The following PDE7B variants were observed in gnomAD, a reference collection of about 807,000 sequenced individuals.
PDE7B encodes phosphodiesterase 7B.
Under a neutral mutation model 56.2 loss-of-function variants are expected in PDE7B, and 29 were observed. The ratio of observed to expected loss-of-function variants is 0.52; its 90% CI spans 0.38 to 0.70. PDE7B has a LOEUF of 0.70. PDE7B is among the 30% of genes least tolerant of loss of function. The probability of loss-of-function intolerance (pLI) is 0.00; values close to 1 mark genes in which losing one functional copy is unlikely to be tolerated. For synonymous variants in PDE7B, 197 were observed against 196.9 expected, an observed-to-expected ratio of 1.00 and a Z score of 0.00; for missense variants, 490 against 565.0, an observed-to-expected ratio of 0.87 and a Z score of 1.35.
At chr6:136,064,792 C>T (rs903463080) in intron 2 of PDE7B, among the ~76,000 whole-genome samples, 2 of 152,180 alleles carry the variant, frequency 1.3e-5, no homozygotes, top group African/African-American at 2.4e-5. Flanking sequence ...GGAAGTTAGG[C>T]ACCTACCCTT....
intron 12 of PDE7B, 38 bp downstream of exon 12, chr6:136,187,154 T>C: frequency 1.0e-6 from 1 of 975,650 alleles, no homozygotes; most frequent in Non-Finnish European, 1.6e-6. Flanking sequence ...ATAAATACCT[T>C]TGGCACATCT....
Position 135,851,948 on chromosome 6 carries a change from G to T in PDE7B, c.-51G>T, listed in dbSNP as rs199914481. 1.4e-6 allele frequency: 2 copies of T among 1,459,198 alleles called. No homozygotes were observed. The allele number at this position is 1,459,198 out of a possible 1,614,324, so 90.4% of individuals were successfully genotyped here. A position where few individuals can be genotyped will look rare whatever the true frequency, so the allele number is the denominator to read the frequency against. ...CAAGTCTTCATGAACAAGCAGCACC[G>T]CTCAGAGATTTCACGGCATTCAAAG... On this transcript the variant is annotated 5_prime_UTR_variant, in exon 1 of 13. Coordinates refer to ENST00000308191, the MANE Select transcript of PDE7B (RefSeq NM_018945.4).
intron 2 of PDE7B, among the ~76,000 whole-genome samples, chr6:136,092,469 TGAGA>T (rs1475452891): frequency 1.1e-4 from 17 of 152,168 alleles, no homozygotes; most frequent in Admixed American, 8.5e-4. Flanking sequence ...TTTTAAAAAC[TGAGA>T]GTGAAGGCCG....
At position 136,193,231 on chromosome 6, in the gene PDE7B, T is replaced by C. The variant is rs964777852; in HGVS notation, c.*1391T>C. 1 of 152,664 alleles carries C rather than the reference T, an allele frequency of 6.6e-6. No homozygotes were observed. Among genetic ancestry groups the C allele is most frequent in the Non-Finnish European group, 1.5e-5 (1 of 68,044 alleles). 9.5% of individuals were successfully genotyped at this position (152,664 alleles called of 1,614,324 possible). A position where few individuals can be genotyped will look rare whatever the true frequency, so the allele number is the denominator to read the frequency against. On this transcript the variant is annotated 3_prime_UTR_variant, in exon 13 of 13. Coordinates refer to ENST00000308191, the MANE Select transcript of PDE7B (RefSeq NM_018945.4). ...CCTGCTCCCATGCCACACATTTGTC[T>C]ATTATGGCTATAGTACCAAAGTACT...
chr6:136,126,344 ACTT>A (rs1375883728), intron 3 of PDE7B, among the ~76,000 whole-genome samples: 1 of 152,240 alleles, frequency 6.6e-6, no homozygotes, highest in Non-Finnish European at 1.5e-5. Flanking sequence ...AAAAGGGAAT[ACTT>A]GTATTAAAAC....
chr6:136,069,309 C>T (rs1171731706), intron 2 of PDE7B, among the ~76,000 whole-genome samples: 1 of 152,208 alleles, frequency 6.6e-6, no homozygotes, highest in Non-Finnish European at 1.5e-5. Flanking sequence ...ACACTCTCAG[C>T]ATGCAGTGAA....
At chr6:135,899,828 A>G (rs1775968430) in intron 1 of PDE7B, among the ~76,000 whole-genome samples, 1 of 152,190 alleles carries the variant, frequency 6.6e-6, no homozygotes, top group Non-Finnish European at 1.5e-5. Context: ...CATTGCACAT[A>G]TGATAAAATC....
At chr6:136,039,584 A>T (rs1045596660) in intron 2 of PDE7B, among the ~76,000 whole-genome samples, 1 of 152,192 alleles carries the variant, frequency 6.6e-6, no homozygotes, top group Non-Finnish European at 1.5e-5. Flanking sequence ...ATGACTTAAT[A>T]ATCTGTAAAG....
chr6:136,147,611 C>A, intron 4 of PDE7B, 109 bp downstream of exon 4: 2 of 787,414 alleles, frequency 2.5e-6, no homozygotes, highest in Non-Finnish European at 4.2e-6. Flanking sequence ...AGCTCTGTGA[C>A]CCTGAGCTCA....
chr6:136,157,706 A>T (rs546538362), intron 8 of PDE7B, among the ~76,000 whole-genome samples: 1 of 152,352 alleles, frequency 6.6e-6, no homozygotes, highest in Non-Finnish European at 1.5e-5. Context: ...TTCTGCAGAT[A>T]GTTGCAGCGG....
intron 1 of PDE7B, among the ~76,000 whole-genome samples, chr6:135,856,827 G>C (rs17065020): frequency 0.2 from 30,284 of 152,038 alleles, 5,455 homozygotes; most frequent in African/African-American, 0.48. Flanking sequence ...CATTTTAAAA[G>C]CTTAAATCCT....
intron 1 of PDE7B, among the ~76,000 whole-genome samples, chr6:135,903,204 A>G (rs1421799062): frequency 3.3e-5 from 5 of 152,208 alleles, no homozygotes; most frequent in African/African-American, 1.2e-4. Context: ...AACTGGCCCA[A>G]ACACTGTACT....
intron 2 of PDE7B, among the ~76,000 whole-genome samples, chr6:136,015,815 C>G (rs1775968752): frequency 6.6e-6 from 1 of 151,996 alleles, no homozygotes; most frequent in Non-Finnish European, 1.5e-5. Flanking sequence ...GGGAAATTTT[C>G]TAAACCAAAG....
intron 8 of PDE7B, among the ~76,000 whole-genome samples, chr6:136,163,175 G>A (rs1778737494): frequency 6.6e-6 from 1 of 152,218 alleles, no homozygotes; most frequent in Non-Finnish European, 1.5e-5. Flanking sequence ...GGTTTTCCAT[G>A]AGGGTTCTGC....
intron 2 of PDE7B, among the ~76,000 whole-genome samples, chr6:136,004,320 C>T (rs975742595): frequency 6.6e-6 from 1 of 152,120 alleles, no homozygotes; most frequent in Non-Finnish European, 1.5e-5. Flanking sequence ...TCTTACCACT[C>T]CTATTTAACA....
At chr6:135,934,825 A>AATATATATATTTATTATATATATATTT (rs1774372080) in intron 1 of PDE7B, among the ~76,000 whole-genome samples, 1 of 68,904 alleles carries the variant, frequency 1.5e-5, no homozygotes, top group Admixed American at 1.8e-4. Flanking sequence ...TATATATTTA[A>AATATATATATTTATTATATATATATTT]TAAATAAATA....
chr6:136,086,441 A>AG (rs1181062151), intron 2 of PDE7B, among the ~76,000 whole-genome samples: 2 of 151,802 alleles, frequency 1.3e-5, no homozygotes, highest in Non-Finnish European at 2.9e-5. Context: ...AGACAGAGGG[A>AG]GGGGGGCTCC....
intron 2 of PDE7B, among the ~76,000 whole-genome samples, chr6:136,088,992 C>G (rs540268699): frequency 1.3e-5 from 2 of 149,698 alleles, no homozygotes; most frequent in Admixed American, 1.3e-4. Context: ...GCCTTTCCCC[C>G]GCCAAAAAAA....
chr6:136,118,454 G>T (rs139553030), intron 3 of PDE7B, among the ~76,000 whole-genome samples: 156 of 152,280 alleles, frequency 1.0e-3, no homozygotes, highest in African/African-American at 3.6e-3. Context: ...GTCAATTATG[G>T]CATACAAATT....
Sources: gnomAD v4.1 joint callset for allele counts (sites outside exome capture counted in the v4.1 genomes callset) on GRCh38, gnomAD v4.1.1 for gene constraint, MANE v1.5 for transcripts, NCBI Gene and HGNC (gene_info 2026-07-23, HGNC 2026-07-21) for gene names.